ABLIM2: variants seen among roughly 807,000 people sequenced by gnomAD.
ABLIM2 encodes actin-binding LIM protein 2.
Under a neutral mutation model 97.7 loss-of-function variants are expected in ABLIM2, and 53 were observed. The ratio of observed to expected loss-of-function variants is 0.54; its 90% CI spans 0.44 to 0.68. The LOEUF (loss-of-function observed/expected upper bound fraction) is 0.68. ABLIM2 is among the 30% of genes least tolerant of loss of function. ABLIM2 has a pLI of 0.00. For missense variants in ABLIM2, 835 were observed against 867.2 expected (o/e 0.96, Z 0.47); for synonymous variants, 361 against 345.8 (o/e 1.04, Z -0.49).
At chr4:8,114,145 G>A (rs2138825) in intron 1 of ABLIM2, among the ~76,000 whole-genome samples, 105,969 of 152,158 alleles carry the variant, frequency 0.7, 37,719 homozygotes, top group East Asian at 0.9. Context: ...CTCATGGGCG[G>A]GGGCTGTGCC....
intron 6 of ABLIM2, among the ~76,000 whole-genome samples, chr4:8,063,433 T>C (rs1413492160): frequency 6.6e-6 from 1 of 152,230 alleles, no homozygotes; most frequent in East Asian, 1.9e-4. Flanking sequence ...TCTCCACAGC[T>C]CGGGCCAAGA....
chr4:8,007,845 G>A (rs946135579), intron 16 of ABLIM2: 30 of 1,369,230 alleles, frequency 2.2e-5, no homozygotes, highest in Admixed American at 9.4e-5. Context: ...CGTGGCCCTC[G>A]TTAGCACACT....
intron 11 of ABLIM2, among the ~76,000 whole-genome samples, chr4:8,028,842 T>C (rs1560748298): frequency 6.6e-6 from 1 of 152,218 alleles, no homozygotes; most frequent in South Asian, 2.1e-4. Flanking sequence ...AAGGAGTCAA[T>C]GGAAATAACT....
At chr4:7,969,327 AC>A (rs1725662963) in intron 20 of ABLIM2, among the ~76,000 whole-genome samples, 1 of 151,592 alleles carries the variant, frequency 6.6e-6, no homozygotes, top group African/African-American at 2.4e-5. Context: ...GCTGGCGTGT[AC>A]CTGTAGTCCC....
At chr4:8,101,795 G>C (rs909307521) in intron 2 of ABLIM2, among the ~76,000 whole-genome samples, 1 of 152,198 alleles carries the variant, frequency 6.6e-6, no homozygotes, top group African/African-American at 2.4e-5. Context: ...AAAGCACAGA[G>C]CTCAGCCACC....
chr4:8,007,415 G>A (rs1194815676), intron 16 of ABLIM2: 30 of 985,386 alleles, frequency 3.0e-5, no homozygotes, highest in Non-Finnish European at 3.4e-5. Flanking sequence ...ACTGCCCCCA[G>A]CCCAGCTGAG....
intron 20 of ABLIM2, among the ~76,000 whole-genome samples, chr4:7,982,125 T>C (rs13126101): frequency 2.3e-5 from 3 of 130,256 alleles, no homozygotes; most frequent in Non-Finnish European, 3.5e-5. Flanking sequence ...CTCAGCTGCA[T>C]CCACGCCCCT....
In ABLIM2 at chr4:8,152,316, T is replaced by C. The variant is rs185792683; in HGVS notation, c.10+6364A>G. 1.9e-3 allele frequency among the ~76,000 whole-genome samples: 295 copies of C among 152,336 alleles called. 1 individual carries two copies. Among genetic ancestry groups the C allele is most frequent in the African/African-American group, 6.9e-3 (287 of 41,576 alleles). ...CACACTGGGGTTCAAATCCCAGCGC[T>C]GCCATTTACAAATCACGTGACACCA... is the stretch of plus-strand genomic sequence containing the variant. On this transcript the variant is annotated intron_variant, in intron 1 of 20. Coordinates refer to ENST00000447017, the MANE Select transcript of ABLIM2 (RefSeq NM_001130083.2).
intron 3 of ABLIM2, among the ~76,000 whole-genome samples, chr4:8,091,859 T>TATTATATATAC (rs1828915076): frequency 1.8e-5 from 2 of 113,126 alleles, no homozygotes; most frequent in Non-Finnish European, 3.4e-5. Context: ...TTATACAATA[T>TATTATATATAC]ATTATATATA....
At chr4:8,097,038 A>C (rs1381016303) in intron 3 of ABLIM2, 61 bp downstream of exon 3, 7 of 1,518,300 alleles carry the variant, frequency 4.6e-6, no homozygotes, top group Non-Finnish European at 6.2e-6. Context: ...GAAGGGAGGG[A>C]GGGAAGGAGA....
chr4:8,017,436 A>G (rs1025253285), intron 14 of ABLIM2, among the ~76,000 whole-genome samples: 1 of 151,630 alleles, frequency 6.6e-6, no homozygotes, highest in African/African-American at 2.4e-5. Context: ...ACAGGTGCAC[A>G]TTGCCACACC....
chr4:8,054,807 A>T lies in ABLIM2; in HGVS notation c.764-561T>A, dbSNP rs1798054661. Among the ~76,000 whole-genome samples, 1 of 152,066 alleles carries T rather than the reference A, an allele frequency of 6.6e-6. No homozygotes were observed. The highest frequency in any genetic ancestry group is 2.4e-5 in the African/African-American group (1 of 41,422). On this transcript the variant is annotated intron_variant, in intron 7 of 20. Coordinates refer to ENST00000447017, the MANE Select transcript of ABLIM2 (RefSeq NM_001130083.2). The surrounding 1 kb of genome is among the most constrained non-coding windows in gnomAD (Gnocchi z 4.9). Reference sequence around the variant, plus strand: ...CTCCTTAGGGTATGGGGTGAAGAACAGGTGTGTTCGGTGGGAGCTGGGCAC... The same window carrying T: ...CTCCTTAGGGTATGGGGTGAAGAACTGGTGTGTTCGGTGGGAGCTGGGCAC...
rs1047487151 is a variant in ABLIM2, at chr4:7,965,758, C to T, written c.*1232G>A. ...CTCCTGCTCCGGGATGCCCTGCTGG[C>T]TTCAAAGATGAGAAGAGCCACATCT... On this transcript the variant is annotated 3_prime_UTR_variant, in exon 21 of 21. Transcript: ENST00000447017. The T allele has an allele frequency of 6.6e-6, 1 of 152,308 alleles. No individual in the cohort carries two copies. Among genetic ancestry groups the T allele is most frequent in the African/African-American group, 2.4e-5 (1 of 41,460 alleles). 9.4% of individuals were successfully genotyped at this position (152,308 alleles called of 1,614,324 possible).
intron 1 of ABLIM2, among the ~76,000 whole-genome samples, chr4:8,152,394 C>T (rs1172797723): frequency 9.2e-5 from 14 of 151,562 alleles, no homozygotes; most frequent in East Asian, 4.0e-4. Flanking sequence ...GAGATGCCAC[C>T]GGCCGCTCCG....
rs1409741787 is a variant in ABLIM2, at chr4:8,120,411, C to T, written c.11-13774G>A. Among the ~76,000 whole-genome samples the T allele has an allele frequency of 6.6e-6, 1 of 152,216 alleles. No homozygotes were observed. The highest frequency in any genetic ancestry group is 1.9e-4 in the East Asian group (1 of 5,200). Reference sequence around the variant, plus strand: ...GTCAGAAAAAGGGGAAATGTGGACACAGAGACAACCCCAGACAATCCCCCG... The same window carrying T: ...GTCAGAAAAAGGGGAAATGTGGACATAGAGACAACCCCAGACAATCCCCCG... On this transcript the variant is annotated intron_variant, in intron 1 of 20. Transcript: ENST00000447017. This position sits in a 1 kb window ranked among gnomAD's most constrained non-coding sequence, Gnocchi z 5.6.
At chr4:8,010,199 T>C (rs938597572) in intron 14 of ABLIM2, among the ~76,000 whole-genome samples, 11 of 152,108 alleles carry the variant, frequency 7.2e-5, no homozygotes, top group Non-Finnish European at 1.3e-4. Context: ...TTCTGGGGGG[T>C]TGTCACCCAG....
chr4:8,129,737 T>C (rs947016177), intron 1 of ABLIM2, among the ~76,000 whole-genome samples: 6 of 151,522 alleles, frequency 4.0e-5, no homozygotes, highest in Non-Finnish European at 8.8e-5. Context: ...ATGCTCCCTC[T>C]CTCTCTCTCT....
chr4:7,992,764 CG>C lies in ABLIM2; in HGVS notation c.1680+101del. The C allele has an allele frequency of 2.2e-6, 3 of 1,353,988 alleles. No individual in the cohort carries two copies. Among genetic ancestry groups the C allele is most frequent in the Non-Finnish European group, 3.1e-6 (3 of 970,078 alleles). 83.9% of individuals were successfully genotyped at this position (1,353,988 alleles called of 1,614,324 possible). ...AGAGGCAGGTGGGCCGCGGGGTCCC[CG>C]GGGCCTCTCCTCCTGCTGTGTGGTC... On this transcript the variant is annotated intron_variant, in intron 17 of 20. Coordinates refer to ENST00000447017, the MANE Select transcript of ABLIM2 (RefSeq NM_001130083.2). The surrounding 1 kb of genome is among the most constrained non-coding windows in gnomAD (Gnocchi z 5.7).
chr4:8,012,150 C>T (rs2150549460), intron 14 of ABLIM2, among the ~76,000 whole-genome samples: 1 of 149,170 alleles, frequency 6.7e-6, no homozygotes, highest in South Asian at 2.2e-4. Context: ...TCCACCCACC[C>T]ACTCATCCAC....
Sources: allele counts gnomAD v4.1 joint callset (sites outside exome capture counted in the v4.1 genomes callset), GRCh38; gene constraint gnomAD v4.1.1; non-coding constraint Gnocchi (gnomAD v3.1); transcripts MANE v1.5; gene names NCBI Gene and HGNC (gene_info 2026-07-23, HGNC 2026-07-21).